NACA: variants seen among roughly 807,000 people sequenced by gnomAD.
NACA encodes nascent polypeptide associated complex subunit alpha, also known as nascent polypeptide-associated complex subunit alpha.
In NACA, 42 loss-of-function variants were observed where a neutral mutation model predicts 86.4. That is an observed-to-expected ratio of 0.49 (90% CI 0.38 to 0.63). NACA has a LOEUF of 0.63. Among genes scored for constraint, NACA ranks in the 20% least tolerant of loss-of-function variants. The pLI is 0.00. For synonymous variants in NACA, 898 were observed against 973.7 expected, an observed-to-expected ratio of 0.92 and a Z score of 1.45; for missense variants, 2,157 against 2,483.6, an observed-to-expected ratio of 0.87 and a Z score of 2.80.
At position 56,716,502 on chromosome 12, in the gene NACA, T is replaced by C. The variant is rs1441562881; in HGVS notation, c.5028A>G (p.Lys1676=). The stretch of plus-strand genomic sequence containing the variant: ...GTACTTCTTTCAGAGCTGTGGGGCC[T>C]TTCTTTGCTGGAAGCCCTTTAGATG... The part of the protein sequence containing the change: ...PQASKGLPAK[K]GPTALKEVLV... Residue 1676 remains lysine (K), a synonymous_variant, in exon 3 of 9, where the codon AAA becomes AAG. Transcript: ENST00000454682. 2.6e-6 allele frequency: 4 copies of C among 1,513,324 alleles called. No individual in the cohort carries two copies. Among genetic ancestry groups the C allele is most frequent in the Non-Finnish European group, 3.6e-6 (4 of 1,116,462 alleles). The allele number at this position is 1,513,324 out of a possible 1,614,324, so 93.7% of individuals were successfully genotyped here.
At chr12:56,723,367 G>A (rs893744583) in intron 2 of NACA, among the ~76,000 whole-genome samples, 3 of 152,256 alleles carry the variant, frequency 2.0e-5, no homozygotes, top group South Asian at 2.1e-4. Context: ...TCAAATCTTC[G>A]TATTTGTAAA....
At chr12:56,713,784 C>T (rs1217325704) in intron 5 of NACA, 101 bp from the exon 6 acceptor site, 1 of 1,206,534 alleles carries the variant, frequency 8.3e-7, no homozygotes, top group Non-Finnish European at 1.2e-6. Flanking sequence ...TTTCCCCAGG[C>T]TGAGAAAAGT....
In NACA at chr12:56,719,490, A is replaced by C; in HGVS notation, c.2040T>G (p.Thr680=). 2 of 1,613,928 alleles carry C rather than the reference A, an allele frequency of 1.2e-6. No individual in the cohort carries two copies. The highest frequency in any genetic ancestry group is 1.7e-6 in the Non-Finnish European group (2 of 1,179,854). ...TTTASPFLEG[T]VSLAPKNHPV... ...GGTGGTTTTTAGGAGCTAAAGAGAC[A>C]GTTCCTTCTAGAAAAGGGCTGGCTG... The change falls in exon 3 of 9, where the codon ACT becomes ACG. Residue 680 remains threonine, a synonymous_variant. Coordinates refer to ENST00000454682, the MANE Select transcript of NACA (RefSeq NM_001365896.1).
rs773300992 is a variant in NACA, at chr12:56,717,605, C to A, written c.3925G>T (p.Ala1309Ser). ...GGAGTTGCAGCTGGAGGAGTGGGGG[C>A]CCCTTTGGGGGGTGAGGTAGCTGGG... ...GGPATSPPKG[A>S]PTPPAATPPS... Residue 1309 changes from alanine to serine, a missense_variant, in exon 3 of 9, where the codon GCC becomes TCC. Physicochemically the swap from Ala to Ser is moderately conservative, Grantham distance 99. Coordinates refer to ENST00000454682, the MANE Select transcript of NACA (RefSeq NM_001365896.1). 6 of 1,252,742 alleles carry A rather than the reference C, an allele frequency of 4.8e-6. No homozygotes were observed. The highest frequency in any genetic ancestry group is 3.1e-5 in the Admixed American group (1 of 31,832). 77.6% of individuals were successfully genotyped at this position (1,252,742 alleles called of 1,614,324 possible).
In NACA at chr12:56,719,612, G is replaced by C. The variant is rs748162826; in HGVS notation, c.1918C>G (p.Leu640Val). Residue 640 changes from leucine to valine, a missense_variant, in exon 3 of 9, where the codon CTC becomes GTC. Transcript: ENST00000454682. Reference sequence around the variant, plus strand: ...AATGCAGCCACTGTTGGGGTAATGAGAGAACTTTTGAGAAGCGGACCAGCA... The same window carrying C: ...AATGCAGCCACTGTTGGGGTAATGACAGAACTTTTGAGAAGCGGACCAGCA... ...DSAGPLLKSS[L>V]ITPTVAAFPL... 10 of 1,613,942 alleles carry C rather than the reference G, an allele frequency of 6.2e-6. No homozygotes were observed. In the East Asian group the frequency reaches 2.0e-4, roughly 32 times the overall value.
At chr12:56,724,640 G>A (rs1565901152) in intron 1 of NACA, 117 bp from the exon 2 acceptor site, 2 of 1,123,250 alleles carry the variant, frequency 1.8e-6, no homozygotes, top group African/African-American at 1.6e-5. Flanking sequence ...AATCGTGAGG[G>A]TGTTTGGTGA....
rs754587984 is a variant in NACA at position 56,724,412 on chromosome 12, G to A, written c.70+40C>T. 12 of 1,576,636 alleles carry A rather than the reference G, an allele frequency of 7.6e-6. No homozygotes were observed. The East Asian group carries it at 9.2e-5, about 12-fold the overall frequency. On this transcript the variant is annotated intron_variant, in intron 2 of 8. Coordinates refer to ENST00000454682, the MANE Select transcript of NACA (RefSeq NM_001365896.1). Reference sequence around the variant, plus strand: ...ATTTTGCCCACCAAATGGCTTTAGGGTTAATTTTAATTAATGGCAAGGAGG... The same window carrying A: ...ATTTTGCCCACCAAATGGCTTTAGGATTAATTTTAATTAATGGCAAGGAGG...
chr12:56,720,433 ACCT>A lies in NACA; in HGVS notation c.1094_1096del (p.Glu365del). ...AAAGGCAGCCACAGTAGCAGGAACT[ACCT>A]CATTTCTGGAAGGAAGGGGAGGAAT... On this transcript the variant is annotated inframe_deletion, in exon 3 of 9. Transcript: ENST00000454682. 2 of 1,613,750 alleles carry A rather than the reference ACCT, an allele frequency of 1.2e-6. No homozygotes were observed. The highest frequency in any genetic ancestry group is 1.7e-6 in the Non-Finnish European group (2 of 1,179,772).
chr12:56,717,222 T>C lies in NACA; in HGVS notation c.4308A>G (p.Pro1436=). 7.6e-7 allele frequency: 1 copy of C among 1,312,606 alleles called. No individual in the cohort carries two copies. Among genetic ancestry groups the C allele is most frequent in the Non-Finnish European group, 9.9e-7 (1 of 1,009,068 alleles). The allele number at this position is 1,312,606 out of a possible 1,614,324, so 81.3% of individuals were successfully genotyped here. Residue 1436 remains proline (P), a synonymous_variant, in exon 3 of 9, where the codon CCA becomes CCG. Transcript: ENST00000454682. The part of the protein sequence containing the change: ...ATPSKGDLTP[P]AVTPVSLKKA... Reference sequence around the variant, plus strand: ...TTTTGAGGGAGACAGGAGTCACTGCTGGGGGAGTGAGATCTCCTTTGGATG... The same window carrying C: ...TTTTGAGGGAGACAGGAGTCACTGCCGGGGGAGTGAGATCTCCTTTGGATG...
chr12:56,721,340 C>G lies in NACA; in HGVS notation c.190G>C (p.Ala64Pro), dbSNP rs1020670499. Reference protein sequence around the residue: ...QQCPLSAANQASPFPSPSTIA... With the variant: ...QQCPLSAANQPSPFPSPSTIA... ...GTAGAGGGGGAAGGGAATGGGGAAG[C>G]CTGGTTAGCAGCTGAGAGAGGGCAC... is the stretch of plus-strand genomic sequence containing the variant. The change falls in exon 3 of 9, where the codon GCT (alanine) becomes CCT (proline). Residue 64 changes from alanine to proline, a missense_variant. Coordinates refer to ENST00000454682, the MANE Select transcript of NACA (RefSeq NM_001365896.1). 8 of 1,609,272 alleles carry G rather than the reference C, an allele frequency of 5.0e-6. No homozygotes were observed. The highest frequency in any genetic ancestry group is 6.8e-6 in the Non-Finnish European group (8 of 1,178,094).
At position 56,715,910 on chromosome 12, in the gene NACA, T is replaced by C. The variant is rs374492724; in HGVS notation, c.5620A>G (p.Thr1874Ala). 1.1e-5 allele frequency: 16 copies of C among 1,514,922 alleles called. No individual in the cohort carries two copies. Among genetic ancestry groups the C allele is most frequent in the South Asian group, 1.3e-5 (1 of 75,372 alleles). The allele number at this position is 1,514,922 out of a possible 1,614,324, so 93.8% of individuals were successfully genotyped here. ...GTAACAGGTTGCTTGGCAGAGGGGGTTGGGACAGGGATTCCAGCAGATTTA... is the reference window on the plus strand; with the variant it reads ...GTAACAGGTTGCTTGGCAGAGGGGGCTGGGACAGGGATTCCAGCAGATTTA... Reference protein sequence around the residue: ...TPKSAGIPVPTPSAKQPVTKN... With the variant: ...TPKSAGIPVPAPSAKQPVTKN... The change falls in exon 3 of 9, where the codon ACC becomes GCC. Residue 1874 changes from threonine to alanine, a missense_variant. Physicochemically the swap from Thr to Ala is moderately conservative, Grantham distance 58. Around this residue, in one of 8 missense-constraint regions of NACA, gnomAD observed 797 missense variants for 777.6 expected, o/e 1.02. Transcript: ENST00000454682.
In NACA at chr12:56,716,923, T is replaced by C; in HGVS notation, c.4607A>G (p.Lys1536Arg). The C allele has an allele frequency of 7.6e-7, 1 of 1,308,994 alleles. No individual in the cohort carries two copies. The highest frequency in any genetic ancestry group is 9.9e-7 in the Non-Finnish European group (1 of 1,009,334). 81.1% of individuals were successfully genotyped at this position (1,308,994 alleles called of 1,614,324 possible). The change falls in exon 3 of 9, where the codon AAA becomes AGA. Residue 1536 changes from lysine (K) to arginine (R), a missense_variant. By Grantham distance (26) the Lys-to-Arg change is conservative (BLOSUM62 2). Transcript: ENST00000454682. ...PIAPTATLLSKKTPATLAPKE... is the reference protein window; with the variant it reads ...PIAPTATLLSRKTPATLAPKE... ...GGGGGCTAGAGTTGCTGGGGTCTTT[T>C]TAGAGAGAAGAGTCGCTGTTGGGGC...
rs376062595 is a variant in NACA at position 56,719,983 on chromosome 12, T to C, written c.1547A>G (p.Lys516Arg). Reference protein sequence around the residue: ...SPPLPDPEDLKNLPSSVLVKF... With the variant: ...SPPLPDPEDLRNLPSSVLVKF... ...AACCAATACTGAACTGGGGAGATTT[T>C]TGAGGTCTTCAGGGTCTGGCAGAGG... Residue 516 changes from lysine (K) to arginine (R), a missense_variant, in exon 3 of 9, where the codon AAA becomes AGA. This residue lies in a region of NACA where 947 missense variants were observed against 917.9 expected (regional missense o/e 1.03). Coordinates refer to ENST00000454682, the MANE Select transcript of NACA (RefSeq NM_001365896.1). 6.1e-5 allele frequency: 98 copies of C among 1,613,912 alleles called. No individual in the cohort carries two copies. The African/African-American group carries it at 9.9e-4, about 16-fold the overall frequency.
At position 56,718,294 on chromosome 12, in the gene NACA, GC is replaced by G; in HGVS notation, c.3235del (p.Ala1079ProfsTer39). The G allele has an allele frequency of 8.8e-7, 1 of 1,134,492 alleles. No homozygotes were observed. 70.3% of individuals were successfully genotyped at this position (1,134,492 alleles called of 1,614,324 possible). A position where few individuals can be genotyped will look rare whatever the true frequency, so the allele number is the denominator to read the frequency against. ...GGPATPSLKGAPTPPAATPPS... is the reference protein window; with the variant it reads ...GGPATPSLKGXPTPPAATPPS... ...AGGAGTCGCAGCTGGGGGAGTGGGG[GC>G]CCCCTTGAGGGATGGGGTAGCTGGA... On this transcript the variant is annotated frameshift_variant, in exon 3 of 9. Transcript: ENST00000454682. LOFTEE classifies it high-confidence loss of function.
In NACA at chr12:56,717,202, A is replaced by G. The variant is rs866370078; in HGVS notation, c.4328T>C (p.Leu1443Pro). The G allele has an allele frequency of 8.2e-7, 1 of 1,226,168 alleles. No homozygotes were observed. The highest frequency in any genetic ancestry group is 1.0e-6 in the Non-Finnish European group (1 of 963,746). The allele number at this position is 1,226,168 out of a possible 1,614,324, so 76.0% of individuals were successfully genotyped here. A position where few individuals can be genotyped will look rare whatever the true frequency, so the allele number is the denominator to read the frequency against. Residue 1443 changes from leucine (L) to proline (P), a missense_variant, in exon 3 of 9, where the codon CTC (leucine) becomes CCC (proline). Leu to Pro is a moderately conservative substitution (Grantham distance 98, BLOSUM62 -3). Around this residue, in one of 8 missense-constraint regions of NACA, gnomAD observed 797 missense variants for 777.6 expected, o/e 1.02. Transcript: ENST00000454682. Reference sequence around the variant, plus strand: ...GGCTGAAGTTGCTGGGGCCTTTTTGAGGGAGACAGGAGTCACTGCTGGGGG... The same window carrying G: ...GGCTGAAGTTGCTGGGGCCTTTTTGGGGGAGACAGGAGTCACTGCTGGGGG... ...LTPPAVTPVS[L>P]KKAPATSAPK...
At chr12:56,714,557 A>G in intron 4 of NACA, 45 bp downstream of exon 4, 1 of 1,610,522 alleles carries the variant, frequency 6.2e-7, no homozygotes, top group Non-Finnish European at 8.5e-7. Flanking sequence ...GCCCTGATCA[A>G]CCCTGCTTCT....
Position 56,721,438 on chromosome 12 carries a change from G to T in NACA, c.92C>A (p.Ala31Asp). Residue 31 changes from alanine (A) to aspartate (D), a missense_variant, in exon 3 of 9, where the codon GCC becomes GAC. Around this residue, in one of 8 missense-constraint regions of NACA, gnomAD observed 947 missense variants for 917.9 expected, o/e 1.03. Transcript: ENST00000454682. ...AETAVLPMSS[A>D]LSVTAALGQP... ...CCCTAAGGCAGCAGTGACACTCAAGGCTGAAGACATAGGTAGCACAGCTGG... is the reference window on the plus strand; with the variant it reads ...CCCTAAGGCAGCAGTGACACTCAAGTCTGAAGACATAGGTAGCACAGCTGG... 1 of 1,522,132 alleles carries T rather than the reference G, an allele frequency of 6.6e-7. No individual in the cohort carries two copies. Among genetic ancestry groups the T allele is most frequent in the Non-Finnish European group, 8.7e-7 (1 of 1,143,128 alleles). 94.3% of individuals were successfully genotyped at this position (1,522,132 alleles called of 1,614,324 possible). A position where few individuals can be genotyped will look rare whatever the true frequency, so the allele number is the denominator to read the frequency against.
Position 56,721,476 on chromosome 12 carries a change from G to A in NACA, c.71-17C>T. 1 of 1,476,808 alleles carries A rather than the reference G, an allele frequency of 6.8e-7. No homozygotes were observed. Among genetic ancestry groups the A allele is most frequent in the Non-Finnish European group, 9.0e-7 (1 of 1,117,062 alleles). 91.5% of individuals were successfully genotyped at this position (1,476,808 alleles called of 1,614,324 possible). A position where few individuals can be genotyped will look rare whatever the true frequency, so the allele number is the denominator to read the frequency against. ...GTAGCACAGCTGGAGAAAGGCAAAA[G>A]GAGATAAAGAAAGGGGGAGGGGGAG... On this transcript the variant is annotated splice_polypyrimidine_tract_variant and intron_variant, in intron 2 of 8. Transcript: ENST00000454682.
In NACA at chr12:56,720,687, C is replaced by A; in HGVS notation, c.843G>T (p.Gln281His). The A allele has an allele frequency of 1.2e-6, 2 of 1,613,914 alleles. No homozygotes were observed. The highest frequency in any genetic ancestry group is 1.7e-6 in the Non-Finnish European group (2 of 1,179,902). The change falls in exon 3 of 9, where the codon CAG becomes CAT. Residue 281 changes from glutamine (Q) to histidine (H), a missense_variant. Physicochemically the swap from Gln to His is conservative, Grantham distance 24 (BLOSUM62 0). This residue lies in a region of NACA where 947 missense variants were observed against 917.9 expected (regional missense o/e 1.03). Transcript: ENST00000454682. ...SPPAALSLSTQSLPVVTSSQK... is the reference protein window; with the variant it reads ...SPPAALSLSTHSLPVVTSSQK... ...GAGAAGAGGTCACCACAGGAAGAGA[C>A]TGAGTTGAAAGAGATAAGGCAGCAG...
Sources: gnomAD v4.1 joint callset for allele counts (sites outside exome capture counted in the v4.1 genomes callset) on GRCh38, gnomAD v4.1.1 for gene constraint, gnomAD v4.1.1 regional missense constraint, MANE v1.5 for transcripts, NCBI Gene and HGNC (gene_info 2026-07-23, HGNC 2026-07-21) for gene names.